Variants in AFG2B observed in about 807,000 individuals in gnomAD.
AFG2B encodes ATPase family gene 2 protein homolog B.
the AFG2B span, among the ~76,000 whole-genome samples, chr15:45,414,212 T>G: frequency 1.3e-5 from 2 of 152,084 alleles, no homozygotes; most frequent in Admixed American, 6.6e-5. Flanking sequence ...TGATGAGGGA[T>G]AGCCACACGA....
the AFG2B span, chr15:45,415,517 A>T: frequency 8.3e-7 from 1 of 1,209,488 alleles, no homozygotes; most frequent in South Asian, 1.5e-5. Flanking sequence ...AAAAAACAGG[A>T]TTATAAATAG....
the AFG2B span, chr15:45,402,471 A>G: frequency 1.9e-6 from 3 of 1,609,264 alleles, no homozygotes; most frequent in Non-Finnish European, 2.5e-6. Context: ...GGCCGCTCTT[A>G]AAGCTGCTAC....
chr15:45,407,124 T>C, the AFG2B span: 1 of 1,288,978 alleles, frequency 7.8e-7, no homozygotes, highest in Non-Finnish European at 1.0e-6. Context: ...AGGGGCCTGC[T>C]CAGGTGTAGT....
chr15:45,410,588 T>A, the AFG2B span: 8 of 1,511,132 alleles, frequency 5.3e-6, no homozygotes, highest in African/African-American at 4.2e-5. Flanking sequence ...TTCTGTGCAT[T>A]TATGATGACA....
At chr15:45,407,995 G>C in the AFG2B span, among the ~76,000 whole-genome samples, 443 of 152,256 alleles carry the variant, frequency 2.9e-3, 1 homozygote, top group Non-Finnish European at 2.6e-3. Context: ...TGACCATTTG[G>C]GGGTGGCAAA....
the AFG2B span, chr15:45,414,477 G>T: frequency 2.5e-6 from 3 of 1,177,114 alleles, no homozygotes; most frequent in African/African-American, 1.5e-5. Context: ...ATAATAGGAG[G>T]CTGAGAATTG....
At chr15:45,409,328 G>C in the AFG2B span, among the ~76,000 whole-genome samples, 5 of 144,356 alleles carry the variant, frequency 3.5e-5, no homozygotes, top group Admixed American at 7.2e-5. Flanking sequence ...AGGGAGCCAA[G>C]ATCACAGCAC....
At chr15:45,412,518 G>A in the AFG2B span, among the ~76,000 whole-genome samples, 2,688 of 152,250 alleles carry the variant, frequency 0.018, 83 homozygotes, top group African/African-American at 0.061. Context: ...CACCTCTGCC[G>A]TTGTAGCACC....
At chr15:45,410,546 T>C in the AFG2B span, 3 of 1,589,260 alleles carry the variant, frequency 1.9e-6, no homozygotes, top group Non-Finnish European at 1.7e-6. Context: ...ACAGATAATC[T>C]ACTTAATCCA....
At chr15:45,409,708 T>A in the AFG2B span, among the ~76,000 whole-genome samples, 31 of 150,726 alleles carry the variant, frequency 2.1e-4, no homozygotes, top group Non-Finnish European at 2.1e-4. Context: ...AAAAAAAAAA[T>A]ATATATATTT....
chr15:45,403,148 C>A, the AFG2B span: 51 of 1,456,356 alleles, frequency 3.5e-5, no homozygotes, highest in South Asian at 6.2e-4. Flanking sequence ...GTGCTCCTGG[C>A]GGGGCCCCCC....
At chr15:45,407,154 G>A in the AFG2B span, 2 of 1,283,070 alleles carry the variant, frequency 1.6e-6, no homozygotes, top group Non-Finnish European at 1.0e-6. Context: ...TGATGGCTGA[G>A]TTCAGAAACA....
the AFG2B span, among the ~76,000 whole-genome samples, chr15:45,411,568 C>T: frequency 1.3e-5 from 2 of 152,164 alleles, no homozygotes; most frequent in African/African-American, 4.8e-5. Flanking sequence ...TCCTCCAACT[C>T]GGCCTCCTAA....
the AFG2B span, chr15:45,418,747 A>G: frequency 1.9e-6 from 3 of 1,584,502 alleles, no homozygotes; most frequent in Non-Finnish European, 2.6e-6. Context: ...ATCTTCATTC[A>G]CTCAGCAGTA....
chr15:45,403,074 C>T, the AFG2B span: 2 of 1,532,480 alleles, frequency 1.3e-6, no homozygotes, highest in Non-Finnish European at 1.7e-6. Flanking sequence ...TGCGGGAGCT[C>T]CTCCGCCTCC....
chr15:45,402,429 G>T, the AFG2B span: 11 of 1,600,454 alleles, frequency 6.9e-6, no homozygotes, highest in Middle Eastern at 3.3e-4. Flanking sequence ...ATCTGTGTGC[G>T]ATGGCTCCGG....
the AFG2B span, chr15:45,402,966 C>T: frequency 6.3e-6 from 10 of 1,595,018 alleles, no homozygotes; most frequent in East Asian, 1.3e-4. Context: ...GGCTGGTCAC[C>T]CCTCGTACCC....
the AFG2B span, among the ~76,000 whole-genome samples, chr15:45,409,853 T>G: frequency 3.3e-5 from 5 of 152,044 alleles, no homozygotes; most frequent in Non-Finnish European, 7.4e-5. Flanking sequence ...GGTAACAGAG[T>G]GAGACCCTGT....
the AFG2B span, chr15:45,418,445 T>A: frequency 9.4e-7 from 1 of 1,058,418 alleles, no homozygotes; most frequent in Non-Finnish European, 1.3e-6. Flanking sequence ...AACCCCTATA[T>A]ATATTTTCTC....
Sources: allele counts gnomAD v4.1 joint callset (sites outside exome capture counted in the v4.1 genomes callset), GRCh38; gene constraint gnomAD v4.1.1; transcripts MANE v1.5; gene names NCBI Gene and HGNC (gene_info 2026-07-23, HGNC 2026-07-21).